Variants in IGF2R observed in about 807,000 individuals in gnomAD.
IGF2R encodes insulin like growth factor 2 receptor, also known as cation-independent mannose-6-phosphate receptor.
A neutral mutation model predicts 270.6 loss-of-function variants in IGF2R; 91 were observed. The ratio of observed to expected loss-of-function variants is 0.34; its 90% confidence interval spans 0.28 to 0.40. IGF2R has a LOEUF of 0.40. Ranked by LOEUF, IGF2R falls within the 10% of genes least tolerant of loss-of-function variation. The probability of loss-of-function intolerance (pLI) is 1.00; values close to 1 mark genes in which losing one functional copy is unlikely to be tolerated. For synonymous variants in IGF2R, 1,316 were observed against 1,258.9 expected, an observed-to-expected ratio of 1.05 and a Z score of -0.96; for missense variants, 2,805 against 3,188.3, an observed-to-expected ratio of 0.88 and a Z score of 2.90.
At chr6:160,019,796 A>G (rs991421203) in intron 4 of IGF2R, among the ~76,000 whole-genome samples, 7 of 152,192 alleles carry the variant, frequency 4.6e-5, no homozygotes, top group African/African-American at 1.7e-4. Context: ...AAAATATTAG[A>G]AGGGACATAC....
At chr6:160,053,277 G>A (rs536146986) in intron 19 of IGF2R, among the ~76,000 whole-genome samples, 1 of 152,172 alleles carries the variant, frequency 6.6e-6, no homozygotes, top group East Asian at 1.9e-4. Flanking sequence ...TTGGGGGCTG[G>A]GGGGGAGGGA....
chr6:160,017,555 A>G (rs1777333915), intron 4 of IGF2R, among the ~76,000 whole-genome samples: 2 of 152,232 alleles, frequency 1.3e-5, no homozygotes, highest in Non-Finnish European at 2.9e-5. Flanking sequence ...ACCACAACAT[A>G]TAGCCATGAG....
chr6:160,066,879 C>T lies in IGF2R; in HGVS notation c.4116-1370C>T, dbSNP rs1778596135. Among the ~76,000 whole-genome samples, 3 of 152,352 alleles carry T rather than the reference C, an allele frequency of 2.0e-5. No homozygotes were observed. The East Asian group carries it at 5.8e-4, about 29-fold the overall frequency. On this transcript the variant is annotated intron_variant, in intron 29 of 47. Coordinates refer to ENST00000356956, the MANE Select transcript of IGF2R (RefSeq NM_000876.4). ...TGTCCCATCACCTTCAGGCAGCTTT[C>T]CCTTCCTGCCACCTGCCCCTGGTTT...
chr6:160,014,302 C>T (rs1441417043), intron 4 of IGF2R, among the ~76,000 whole-genome samples: 1 of 152,236 alleles, frequency 6.6e-6, no homozygotes, highest in African/African-American at 2.4e-5. Flanking sequence ...TGTGTTGCAG[C>T]TGGCAAACAA....
In IGF2R at chr6:160,073,812, A is replaced by G. The variant is rs1470028518; in HGVS notation, c.5003A>G (p.His1668Arg). 8.1e-6 allele frequency: 13 copies of G among 1,614,012 alleles called. No individual in the cohort carries two copies. Among genetic ancestry groups the G allele is most frequent in the African/African-American group, 2.7e-5 (2 of 74,910 alleles). ...SSIVDLSPLI[H>R]RTGGYEAYDE... Reference sequence around the variant, plus strand: ...ATTGTTGACTTGTCTCCCCTTATTCATCGCACTGGTGGTTATGAGGCTTAT... The same window carrying G: ...ATTGTTGACTTGTCTCCCCTTATTCGTCGCACTGGTGGTTATGAGGCTTAT... Residue 1668 changes from histidine to arginine, a missense_variant, in exon 35 of 48, where the codon CAT (histidine) becomes CGT (arginine). Transcript: ENST00000356956.
chr6:160,075,231 C>T (rs1192125575), intron 35 of IGF2R, among the ~76,000 whole-genome samples: 1 of 152,126 alleles, frequency 6.6e-6, no homozygotes, highest in African/African-American at 2.4e-5. Flanking sequence ...TCTCATAATA[C>T]TCAGACTGGT....
At chr6:160,046,836 G>A (rs1778079045) in intron 15 of IGF2R, among the ~76,000 whole-genome samples, 191 bp downstream of exon 15, 1 of 152,248 alleles carries the variant, frequency 6.6e-6, no homozygotes, top group Non-Finnish European at 1.5e-5. Context: ...CCCATCCTTG[G>A]GAAAGAAGGG....
At chr6:159,971,642 T>C (rs1783610163) in intron 1 of IGF2R, among the ~76,000 whole-genome samples, 1 of 152,156 alleles carries the variant, frequency 6.6e-6, no homozygotes, top group Admixed American at 6.5e-5. Context: ...GAACTTCCTG[T>C]CTGTTCCTGT....
chr6:160,083,592 AG>A lies in IGF2R; in HGVS notation c.5834-355del, dbSNP rs565559028. On this transcript the variant is annotated intron_variant, in intron 39 of 47. Coordinates refer to ENST00000356956, the MANE Select transcript of IGF2R (RefSeq NM_000876.4). ...AACCTTGGACAATACCGAGCTTTCCAGGGCAGAGGTCCCTGCGGCCTTCCGC... is the reference window on the plus strand; with the variant it reads ...AACCTTGGACAATACCGAGCTTTCCAGGCAGAGGTCCCTGCGGCCTTCCGC... Among the ~76,000 whole-genome samples the A allele has an allele frequency of 6.8e-4, 103 of 152,378 alleles. 2 individuals carry two copies. In the East Asian group the frequency reaches 0.018, roughly 27 times the overall value.
intron 4 of IGF2R, among the ~76,000 whole-genome samples, chr6:160,016,100 C>G (rs563671327): frequency 6.6e-6 from 1 of 152,308 alleles, no homozygotes; most frequent in South Asian, 2.1e-4. Flanking sequence ...ATACAGACTG[C>G]TTGGGACTGG....
rs960055306 is a variant in IGF2R at position 160,040,457 on chromosome 6, G to A, written c.1316-103G>A. The A allele has an allele frequency of 3.1e-5, 28 of 915,854 alleles. 1 individual carries two copies. Among genetic ancestry groups the A allele is most frequent in the South Asian group, 1.0e-4 (6 of 59,848 alleles). The allele number at this position is 915,854 out of a possible 1,614,324, so 56.7% of individuals were successfully genotyped here. A position where few individuals can be genotyped will look rare whatever the true frequency, so the allele number is the denominator to read the frequency against. Reference sequence around the variant, plus strand: ...AAAACCTGGACCTGAATTTTTTAACGGAGCAGTTGGCATTGGTCCTGTTCA... The same window carrying A: ...AAAACCTGGACCTGAATTTTTTAACAGAGCAGTTGGCATTGGTCCTGTTCA... On this transcript the variant is annotated intron_variant, in intron 10 of 47. Coordinates refer to ENST00000356956, the MANE Select transcript of IGF2R (RefSeq NM_000876.4).
intron 39 of IGF2R, 111 bp from the exon 40 acceptor site, chr6:160,083,839 A>G: frequency 1.3e-6 from 1 of 776,404 alleles, no homozygotes; most frequent in Non-Finnish European, 2.2e-6. Flanking sequence ...ATCTCAGCAA[A>G]GCAATTGTTT....
intron 37 of IGF2R, 81 bp from the exon 38 acceptor site, chr6:160,079,499 C>A: frequency 1.0e-6 from 1 of 979,080 alleles, no homozygotes; most frequent in Non-Finnish European, 1.4e-6. Flanking sequence ...CCTCCAGCAT[C>A]AGCTGCAATA....
chr6:160,036,723 C>CA (rs1200604443), intron 10 of IGF2R, among the ~76,000 whole-genome samples: 2 of 150,244 alleles, frequency 1.3e-5, no homozygotes, highest in East Asian at 3.9e-4. Flanking sequence ...GCCAACCAAA[C>CA]AAAAAACACA....
intron 4 of IGF2R, among the ~76,000 whole-genome samples, chr6:160,011,247 T>C (rs1374897348): frequency 6.6e-6 from 1 of 152,174 alleles, no homozygotes; most frequent in Non-Finnish European, 1.5e-5. Flanking sequence ...TCTCTGTCCC[T>C]CTCCTCAGCC....
chr6:160,005,869 G>A (rs1186609323), intron 2 of IGF2R: 3 of 149,900 alleles, frequency 2.0e-5, no homozygotes, highest in South Asian at 1.9e-4. Context: ...AGGACCCCGC[G>A]CATCCTGGGC....
At chr6:159,997,393 A>C (rs1188185920) in intron 2 of IGF2R, among the ~76,000 whole-genome samples, 1 of 152,054 alleles carries the variant, frequency 6.6e-6, no homozygotes, top group East Asian at 1.9e-4. Flanking sequence ...CAGTCCTCCC[A>C]CTGCTGCCGC....
intron 39 of IGF2R, among the ~76,000 whole-genome samples, chr6:160,080,587 T>C (rs545557450): frequency 1.4e-4 from 22 of 152,250 alleles, no homozygotes; most frequent in Admixed American, 4.6e-4. Context: ...AGATTATGCC[T>C]CAGGAAAATG....
At chr6:159,984,102 A>G (rs1396817072) in intron 1 of IGF2R, among the ~76,000 whole-genome samples, 2 of 152,246 alleles carry the variant, frequency 1.3e-5, no homozygotes, top group Non-Finnish European at 2.9e-5. Context: ...CAGCTTTTTC[A>G]TAGAGGCTGT....
Sources: allele counts gnomAD v4.1 joint callset (sites outside exome capture counted in the v4.1 genomes callset), GRCh38; gene constraint gnomAD v4.1.1; transcripts MANE v1.5; gene names NCBI Gene and HGNC (gene_info 2026-07-23, HGNC 2026-07-21).